The following HOXB5 variants were observed in gnomAD, a reference collection of about 807,000 sequenced individuals.
HOXB5 encodes homeobox protein Hox-B5.
In HOXB5, 10 loss-of-function variants were observed where a neutral mutation model predicts 19.6. The ratio of observed to expected loss-of-function variants is 0.51; its 90% CI spans 0.32 to 0.87. The LOEUF (loss-of-function observed/expected upper bound fraction) is 0.87, where lower values mean the gene tolerates loss of function less well. Among genes scored for constraint, HOXB5 ranks in the 40% least tolerant of loss-of-function variants. HOXB5 has a pLI of 0.04. For synonymous variants in HOXB5, 167 were observed against 156.9 expected (o/e 1.06, Z -0.48); for missense variants, 353 against 369.6 (o/e 0.96, Z 0.37).
intron 1 of HOXB5, among the ~76,000 whole-genome samples, chr17:48,592,722 C>T (rs2070182172): frequency 6.6e-6 from 1 of 152,202 alleles, no homozygotes; most frequent in Middle Eastern, 3.2e-3. Context: ...CTCAGGCGGC[C>T]GCTCGCCCCG....
chr17:48,593,075 CGCAGAGAAGG>C, intron 1 of HOXB5, 36 bp downstream of exon 1: 1 of 376,032 alleles, frequency 2.7e-6, no homozygotes, highest in Non-Finnish European at 4.6e-6. Flanking sequence ...CACCCCAAAA[CGCAGAGAAGG>C]AAAGCCGAGA....
At position 48,593,349 on chromosome 17, in the gene HOXB5, G is replaced by A. The variant is rs1309987508; in HGVS notation, c.334C>T (p.Pro112Ser). 1 of 1,603,100 alleles carries A rather than the reference G, an allele frequency of 6.2e-7. No individual in the cohort carries two copies. The highest frequency in any genetic ancestry group is 1.7e-5 in the Admixed American group (1 of 59,530). Reference sequence around the variant, plus strand: ...TGGTCGGAGGGGGACGAAGCAGAGGGCTTGGCGCCGTGGCTGTCGCCGTTG... The same window carrying A: ...TGGTCGGAGGGGGACGAAGCAGAGGACTTGGCGCCGTGGCTGTCGCCGTTG... The part of the protein sequence containing the change: ...CTNGDSHGAK[P>S]SASSPSDQAT... The change falls in exon 1 of 2, where the codon CCC (proline) becomes TCC (serine). Residue 112 changes from proline to serine, a missense_variant. Pro to Ser is a moderately conservative substitution (Grantham distance 74). Transcript: ENST00000239151.
chr17:48,593,724 T>A lies in HOXB5; in HGVS notation c.-42A>T. The A allele has an allele frequency of 6.6e-7, 1 of 1,521,904 alleles. No individual in the cohort carries two copies. The highest frequency in any genetic ancestry group is 9.0e-7 in the Non-Finnish European group (1 of 1,111,324). The allele number at this position is 1,521,904 out of a possible 1,614,324, so 94.3% of individuals were successfully genotyped here. A position where few individuals can be genotyped will look rare whatever the true frequency, so the allele number is the denominator to read the frequency against. ...GGCTTGATTTGTGGATCGTGGTCGT[T>A]ATAACCCTGTGCTTCACGATTTATG... On this transcript the variant is annotated 5_prime_UTR_variant, in exon 1 of 2. Transcript: ENST00000239151.
rs756480940 is a variant in HOXB5 at position 48,593,393 on chromosome 17, G to A, written c.290C>T (p.Pro97Leu). 6.2e-7 allele frequency: 1 copy of A among 1,603,490 alleles called. No individual in the cohort carries two copies. Among genetic ancestry groups the A allele is most frequent in the Admixed American group, 1.7e-5 (1 of 59,516 alleles). ...QAASSCSLSS[P>L]ESLPCTNGDS... ...GCCGTTGGTGCAGGGCAGGGACTCG[G>A]GCGAGGACAGGGAGCAGCTCGAAGC... is the stretch of plus-strand genomic sequence containing the variant. The change falls in exon 1 of 2, where the codon CCC becomes CTC. Residue 97 changes from proline (P) to leucine (L), a missense_variant. Transcript: ENST00000239151.
chr17:48,593,132 T>C lies in HOXB5; in HGVS notation c.551A>G (p.His184Arg). Residue 184 changes from histidine to arginine, a missense_variant, in exon 1 of 2, where the codon CAC becomes CGC. Coordinates refer to ENST00000239151, the MANE Select transcript of HOXB5 (RefSeq NM_002147.4). ...AGAGAGAGAATTACCATGGCTGATGTGAAGCTTCCTCATCCAGGGGAATAT... is the reference window on the plus strand; with the variant it reads ...AGAGAGAGAATTACCATGGCTGATGCGAAGCTTCCTCATCCAGGGGAATAT... ...PQIFPWMRKL[H>R]ISHDMTGPDG... 6.5e-7 allele frequency: 1 copy of C among 1,538,528 alleles called. No homozygotes were observed. The highest frequency in any genetic ancestry group is 1.2e-5 in the South Asian group (1 of 83,842).
chr17:48,592,222 G>T lies in HOXB5; in HGVS notation c.797C>A (p.Ala266Asp). The change falls in exon 2 of 2, where the codon GCC becomes GAC. Residue 266 changes from alanine to aspartate, a missense_variant. Coordinates refer to ENST00000239151, the MANE Select transcript of HOXB5 (RefSeq NM_002147.4). ...CTCTGGGCGGGCTCAGGGCTGGAAG[G>T]CGCTGCCAGCTGTAGCCAGGCTCAT... is the stretch of plus-strand genomic sequence containing the variant. ...KSMSLATAGS[A>D]FQP The T allele has an allele frequency of 1.2e-6, 2 of 1,613,712 alleles. No homozygotes were observed. Among genetic ancestry groups the T allele is most frequent in the Non-Finnish European group, 1.7e-6 (2 of 1,179,878 alleles).
chr17:48,593,005 C>T, intron 1 of HOXB5, 116 bp downstream of exon 1: 1 of 776,344 alleles, frequency 1.3e-6, no homozygotes, highest in Non-Finnish European at 2.0e-6. Context: ...ATACTTCTCC[C>T]CCTTAGAAAA....
rs752482521 is a variant in HOXB5, at chr17:48,592,246, A to G, written c.773T>C (p.Met258Thr). 3 of 1,613,922 alleles carry G rather than the reference A, an allele frequency of 1.9e-6. No individual in the cohort carries two copies. The highest frequency in any genetic ancestry group is 2.5e-6 in the Non-Finnish European group (3 of 1,180,018). The change falls in exon 2 of 2, where the codon ATG becomes ACG. Residue 258 changes from methionine (M) to threonine (T), a missense_variant. Met to Thr is a moderately conservative substitution (Grantham distance 81, BLOSUM62 -1). Transcript: ENST00000239151. ...GGCGCTGCCAGCTGTAGCCAGGCTC[A>G]TACTTTTCAATTTGTTGTCCTTCTT... is the stretch of plus-strand genomic sequence containing the variant. ...KWKKDNKLKS[M>T]SLATAGSAFQ...
rs775042600 is a variant in HOXB5 at position 48,593,381 on chromosome 17, G to A, written c.302C>T (p.Pro101Leu). Residue 101 changes from proline (P) to leucine (L), a missense_variant, in exon 1 of 2, where the codon CCC (proline) becomes CTC (leucine). Coordinates refer to ENST00000239151, the MANE Select transcript of HOXB5 (RefSeq NM_002147.4). ...SCSLSSPESL[P>L]CTNGDSHGAK... Reference sequence around the variant, plus strand: ...GCCGTGGCTGTCGCCGTTGGTGCAGGGCAGGGACTCGGGCGAGGACAGGGA... The same window carrying A: ...GCCGTGGCTGTCGCCGTTGGTGCAGAGCAGGGACTCGGGCGAGGACAGGGA... 5.6e-6 allele frequency: 9 copies of A among 1,603,336 alleles called. No individual in the cohort carries two copies. The highest frequency in any genetic ancestry group is 7.7e-6 in the Non-Finnish European group (9 of 1,173,140).
At chr17:48,592,627 T>G (rs2070180097) in intron 1 of HOXB5, among the ~76,000 whole-genome samples, 171 bp from the exon 2 acceptor site, 1 of 152,178 alleles carries the variant, frequency 6.6e-6, no homozygotes, top group South Asian at 2.1e-4. Flanking sequence ...CTGCACCCCT[T>G]TCTACTGCAT....
rs2070164672 is a variant in HOXB5 at position 48,592,090 on chromosome 17, A to T, written c.*119T>A. ...AGACCAAACGAAATATCGTAACACA[A>T]GGCGAGGCAGGCTTGTGGGAACCGG... is the stretch of plus-strand genomic sequence containing the variant. On this transcript the variant is annotated 3_prime_UTR_variant, in exon 2 of 2. Transcript: ENST00000239151. 1 of 1,171,358 alleles carries T rather than the reference A, an allele frequency of 8.5e-7. No individual in the cohort carries two copies. 72.6% of individuals were successfully genotyped at this position (1,171,358 alleles called of 1,614,324 possible).
At chr17:48,593,064 C>CAAA in intron 1 of HOXB5, 57 bp downstream of exon 1, 3 of 725,180 alleles carry the variant, frequency 4.1e-6, no homozygotes, top group Non-Finnish European at 6.7e-6. Context: ...CCCCCCGATC[C>CAAA]CACCCCAAAA....
rs1215994353 is a variant in HOXB5 at position 48,591,875 on chromosome 17, T to G, written c.*334A>C. 6.0e-6 allele frequency: 1 copy of G among 167,398 alleles called. No individual in the cohort carries two copies. Among genetic ancestry groups the G allele is most frequent in the Non-Finnish European group, 1.3e-5 (1 of 79,344 alleles). The allele number at this position is 167,398 out of a possible 1,614,324, so 10.4% of individuals were successfully genotyped here. On this transcript the variant is annotated 3_prime_UTR_variant, in exon 2 of 2. Transcript: ENST00000239151. ...GGGAGGGGAGAGTTCACATTAAACATGCGAATTTCTTTTTTTTTTTTTCCT... is the reference window on the plus strand; with the variant it reads ...GGGAGGGGAGAGTTCACATTAAACAGGCGAATTTCTTTTTTTTTTTTTCCT...
chr17:48,593,059 C>CCCACCCCCCCCAA, intron 1 of HOXB5, 62 bp downstream of exon 1: 2 of 637,342 alleles, frequency 3.1e-6, no homozygotes, highest in Non-Finnish European at 2.7e-6. Context: ...CTTGTCCCCC[C>CCCACCCCCCCCAA]GATCCCACCC....
chr17:48,593,721 C>A lies in HOXB5; in HGVS notation c.-39G>T. 3.3e-6 allele frequency: 5 copies of A among 1,525,250 alleles called. No individual in the cohort carries two copies. In the South Asian group the frequency reaches 4.7e-5, roughly 14 times the overall value. The allele number at this position is 1,525,250 out of a possible 1,614,324, so 94.5% of individuals were successfully genotyped here. ...GAGGGCTTGATTTGTGGATCGTGGTCGTTATAACCCTGTGCTTCACGATTT... is the reference window on the plus strand; with the variant it reads ...GAGGGCTTGATTTGTGGATCGTGGTAGTTATAACCCTGTGCTTCACGATTT... On this transcript the variant is annotated 5_prime_UTR_variant, in exon 1 of 2. Coordinates refer to ENST00000239151, the MANE Select transcript of HOXB5 (RefSeq NM_002147.4).
Position 48,593,334 on chromosome 17 carries a change from G to T in HOXB5, c.349C>A (p.Pro117Thr). The change falls in exon 1 of 2, where the codon CCC becomes ACC. Residue 117 changes from proline to threonine, a missense_variant. Physicochemically the swap from Pro to Thr is conservative, Grantham distance 38. Transcript: ENST00000239151. Reference sequence around the variant, plus strand: ...CTGGCTGAGGTCGCCTGGTCGGAGGGGGACGAAGCAGAGGGCTTGGCGCCG... The same window carrying T: ...CTGGCTGAGGTCGCCTGGTCGGAGGTGGACGAAGCAGAGGGCTTGGCGCCG... Reference protein sequence around the residue: ...SHGAKPSASSPSDQATSASSS... With the variant: ...SHGAKPSASSTSDQATSASSS... The T allele has an allele frequency of 6.2e-7, 1 of 1,608,294 alleles. No homozygotes were observed. The highest frequency in any genetic ancestry group is 8.5e-7 in the Non-Finnish European group (1 of 1,175,766).
Position 48,592,179 on chromosome 17 carries a change from T to C in HOXB5, c.*30A>G, listed in dbSNP as rs1198309310. The C allele has an allele frequency of 1.9e-6, 3 of 1,605,384 alleles. No individual in the cohort carries two copies. The highest frequency in any genetic ancestry group is 2.6e-6 in the Non-Finnish European group (3 of 1,175,158). On this transcript the variant is annotated 3_prime_UTR_variant, in exon 2 of 2. Transcript: ENST00000239151. ...GGCCAGGGCTGGGGGTGGCACGGGC[T>C]CTTGGGCCGCTGGGCTCCTCTGGGC...
At position 48,593,266 on chromosome 17, in the gene HOXB5, G is replaced by A; in HGVS notation, c.417C>T (p.Ser139=). The change falls in exon 1 of 2, where the codon TCC becomes TCT. Residue 139 remains serine (S), a synonymous_variant. Transcript: ENST00000239151. ...GGCTTGCCGCTTCCTCAGGCTCCGA[G>A]GACGCGCTGGCCTCGTCTATTTCGG... ...NFTEIDEASA[S]SEPEEAASQL... The A allele has an allele frequency of 6.2e-7, 1 of 1,613,826 alleles. No individual in the cohort carries two copies. Among genetic ancestry groups the A allele is most frequent in the African/African-American group, 1.3e-5 (1 of 75,064 alleles).
intron 1 of HOXB5, among the ~76,000 whole-genome samples, 168 bp downstream of exon 1, chr17:48,592,953 C>T (rs1372939639): frequency 6.6e-6 from 1 of 152,132 alleles, no homozygotes; most frequent in African/African-American, 2.4e-5. Flanking sequence ...AACAGAGAGA[C>T]CCTTTTTGGC....
Sources: allele counts gnomAD v4.1 joint callset (sites outside exome capture counted in the v4.1 genomes callset), GRCh38; gene constraint gnomAD v4.1.1; transcripts MANE v1.5; gene names NCBI Gene and HGNC (gene_info 2026-07-23, HGNC 2026-07-21).